SPINK8: variants seen among roughly 807,000 people sequenced by gnomAD.
The protein encoded by SPINK8 is serine peptidase inhibitor Kazal type 8 (putative).
SPINK8 carries 12 observed loss-of-function variants against 14.4 expected under a neutral mutation model. That is an observed-to-expected ratio of 0.83 (90% CI 0.53 to 1.35). The LOEUF is 1.35. Ranked by LOEUF, SPINK8 falls within the 40% of genes most tolerant of loss-of-function variation. The pLI, the probability that SPINK8 is intolerant of heterozygous loss-of-function variation, is 0.00. For missense variants in SPINK8, 103 were observed against 117.0 expected (o/e 0.88, Z 0.55); for synonymous variants, 32 against 37.6 (o/e 0.85, Z 0.55).
At chr3:48,324,665 G>T (rs1175656984) in intron 4 of SPINK8, among the ~76,000 whole-genome samples, 1 of 152,074 alleles carries the variant, frequency 6.6e-6, no homozygotes, top group Non-Finnish European at 1.5e-5. Flanking sequence ...TACTTTACAT[G>T]ATTTCAATCC....
chr3:48,323,174 T>A (rs537430752), intron 4 of SPINK8, among the ~76,000 whole-genome samples: 33 of 152,324 alleles, frequency 2.2e-4, no homozygotes, highest in African/African-American at 7.5e-4. Context: ...AGACAGAGTT[T>A]CGCTCTGTCA....
At chr3:48,326,333 C>T (rs2036140930) in intron 4 of SPINK8, among the ~76,000 whole-genome samples, 3 of 152,120 alleles carry the variant, frequency 2.0e-5, no homozygotes, top group South Asian at 2.1e-4. Context: ...TCTGGCCGGG[C>T]GCGGTGGCTC....
chr3:48,328,459 C>G, intron 3 of SPINK8, 105 bp from the exon 4 acceptor site: 2 of 673,362 alleles, frequency 3.0e-6, no homozygotes, highest in Non-Finnish European at 4.8e-6. Context: ...ATACTTTGTT[C>G]TTTCCTCAGG....
At chr3:48,322,416 A>G (rs530518995) in intron 4 of SPINK8, among the ~76,000 whole-genome samples, 2 of 151,926 alleles carry the variant, frequency 1.3e-5, no homozygotes, top group Admixed American at 1.3e-4. Context: ...GCTCACTGCA[A>G]CCTCGGCCTC....
intron 4 of SPINK8, among the ~76,000 whole-genome samples, chr3:48,321,731 T>G (rs1170024331): frequency 6.6e-6 from 1 of 150,974 alleles, no homozygotes; most frequent in African/African-American, 2.4e-5. Context: ...GGAGAATGAC[T>G]TGAACCCAGG....
At chr3:48,320,208 G>A (rs180963646) in intron 5 of SPINK8, among the ~76,000 whole-genome samples, 6 of 151,872 alleles carry the variant, frequency 4.0e-5, no homozygotes, top group Admixed American at 2.6e-4. Context: ...AAATGTGATT[G>A]GTAGGTTACA....
chr3:48,309,880 A>G (rs1342495545), intron 7 of SPINK8, 24 bp downstream of exon 7: 20 of 1,452,140 alleles, frequency 1.4e-5, no homozygotes, highest in Non-Finnish European at 1.8e-5. Flanking sequence ...TCTAAAAATA[A>G]AAAATAAAAG....
At chr3:48,321,812 T>A (rs1396050907) in intron 4 of SPINK8, among the ~76,000 whole-genome samples, 28 of 141,678 alleles carry the variant, frequency 2.0e-4, no homozygotes, top group Non-Finnish European at 3.6e-4. Flanking sequence ...AGACTCCGTC[T>A]AAAAAAAAAA....
intron 6 of SPINK8, among the ~76,000 whole-genome samples, chr3:48,317,607 T>C (rs2036010584): frequency 6.7e-6 from 1 of 149,960 alleles, no homozygotes; most frequent in Non-Finnish European, 1.5e-5. Context: ...GCTCCACCTC[T>C]CAGGTTCATG....
intron 4 of SPINK8, among the ~76,000 whole-genome samples, chr3:48,327,319 A>G (rs1488450062): frequency 6.6e-6 from 1 of 152,252 alleles, no homozygotes; most frequent in Admixed American, 6.5e-5. Context: ...ATGAATTTAC[A>G]TGATATATGA....
intron 6 of SPINK8, among the ~76,000 whole-genome samples, chr3:48,310,380 TAATAAGAAATA>T (rs2035909404): frequency 6.6e-6 from 1 of 151,604 alleles, no homozygotes; most frequent in East Asian, 1.9e-4. Context: ...TATCAAAACT[TAATAAGAAATA>T]AAAAGTCTCA....
At chr3:48,331,784 T>A (rs2036266636) in intron 2 of SPINK8, among the ~76,000 whole-genome samples, 2 of 152,226 alleles carry the variant, frequency 1.3e-5, no homozygotes, top group African/African-American at 4.8e-5. Flanking sequence ...CTGCCTGTCC[T>A]AGGACCCCTC....
At chr3:48,308,615 T>C (rs978282500) in intron 7 of SPINK8, among the ~76,000 whole-genome samples, 1 of 152,236 alleles carries the variant, frequency 6.6e-6, no homozygotes. Context: ...AATTCTTTTC[T>C]GGATCGCTCT....
chr3:48,314,715 A>T (rs1297045642), intron 6 of SPINK8, among the ~76,000 whole-genome samples: 1 of 152,232 alleles, frequency 6.6e-6, no homozygotes, highest in Non-Finnish European at 1.5e-5. Context: ...ATCAGAGGCA[A>T]CTGTTTAACA....
intron 6 of SPINK8, among the ~76,000 whole-genome samples, chr3:48,310,494 AAATT>A (rs1250338290): frequency 2.1e-5 from 3 of 140,348 alleles, no homozygotes; most frequent in Non-Finnish European, 3.3e-5. Flanking sequence ...ACCAAAAAAA[AAATT>A]TTTTTTTTTT....
intron 6 of SPINK8, among the ~76,000 whole-genome samples, chr3:48,315,628 G>A (rs2035977668): frequency 6.7e-6 from 1 of 148,680 alleles, no homozygotes; most frequent in East Asian, 2.0e-4. Context: ...GGCTGAGATA[G>A]GATAGTTGCT....
At chr3:48,328,976 A>G (rs1467077852) in intron 3 of SPINK8, among the ~76,000 whole-genome samples, 177 bp downstream of exon 3, 2 of 152,232 alleles carry the variant, frequency 1.3e-5, no homozygotes, top group African/African-American at 4.8e-5. Context: ...TTATTATAGT[A>G]CATACCAATT....
At chr3:48,316,004 G>A (rs1338803046) in intron 6 of SPINK8, among the ~76,000 whole-genome samples, 1 of 151,854 alleles carries the variant, frequency 6.6e-6, no homozygotes, top group Non-Finnish European at 1.5e-5. Flanking sequence ...GGAAAAGAAA[G>A]AAAAATAATT....
intron 1 of SPINK8, among the ~76,000 whole-genome samples, 87 bp downstream of exon 1, chr3:48,333,448 G>A (rs2036291660): frequency 3.3e-5 from 5 of 152,162 alleles, no homozygotes; most frequent in African/African-American, 9.7e-5. Context: ...ATTAGTCCTA[G>A]AGCGTCCTCT....
Sources: allele counts gnomAD v4.1 joint callset (sites outside exome capture counted in the v4.1 genomes callset), GRCh38; gene constraint gnomAD v4.1.1; transcripts MANE v1.5; gene names NCBI Gene and HGNC (gene_info 2026-07-23, HGNC 2026-07-21).